PARN: variants seen among roughly 807,000 people sequenced by gnomAD.
PARN encodes the protein poly(A)-specific ribonuclease.
Under a neutral mutation model 102.8 loss-of-function variants are expected in PARN, and 71 were observed. That is an observed-to-expected ratio of 0.69 (90% CI 0.57 to 0.84). PARN has a LOEUF of 0.84. Among genes scored for constraint, PARN ranks in the 40% least tolerant of loss-of-function variants. PARN has a pLI of 0.00. For missense variants in PARN, 782 were observed against 760.9 expected (o/e 1.03, Z -0.33); for synonymous variants, 261 against 252.9 (o/e 1.03, Z -0.30).
chr16:14,608,424 A>C lies in PARN; in HGVS notation c.621-105T>G, dbSNP rs182131963. On this transcript the variant is annotated intron_variant, in intron 8 of 23. Transcript: ENST00000437198. ...TTTCGCTTTAAAAAGAGACTTCATT[A>C]GAACTGATAGGTAATTTGCAAACAA... The C allele has an allele frequency of 9.1e-4, 625 of 686,846 alleles. 2 individuals carry two copies. Among genetic ancestry groups the C allele is most frequent in the Non-Finnish European group, 1.3e-3 (547 of 405,644 alleles). 42.5% of individuals were successfully genotyped at this position (686,846 alleles called of 1,614,324 possible). A position where few individuals can be genotyped will look rare whatever the true frequency, so the allele number is the denominator to read the frequency against.
At chr16:14,510,323 C>T (rs917427961) in intron 21 of PARN, among the ~76,000 whole-genome samples, 10 of 152,112 alleles carry the variant, frequency 6.6e-5, no homozygotes, top group African/African-American at 2.4e-4. Flanking sequence ...CTGTAAACTG[C>T]CATCAAGGTG....
At chr16:14,455,753 G>A (rs565912503) in intron 22 of PARN, among the ~76,000 whole-genome samples, 1 of 152,220 alleles carries the variant, frequency 6.6e-6, no homozygotes, top group Non-Finnish European at 1.5e-5. Context: ...TATGGTGACA[G>A]TGACAAGCAA....
chr16:14,451,965 T>C (rs570461695), intron 22 of PARN, among the ~76,000 whole-genome samples: 13 of 148,146 alleles, frequency 8.8e-5, no homozygotes, highest in African/African-American at 2.7e-4. Context: ...GGTGGGAGGA[T>C]TGCTTGAGTC....
At chr16:14,610,835 A>G (rs750806960) in intron 6 of PARN, 26 bp from the exon 7 acceptor site, 8 of 1,517,908 alleles carry the variant, frequency 5.3e-6, no homozygotes, top group East Asian at 4.5e-5. Flanking sequence ...AAAAGAATGC[A>G]TTAGCAGAAG....
intron 9 of PARN, among the ~76,000 whole-genome samples, chr16:14,607,472 T>G (rs1971264252): frequency 6.6e-6 from 1 of 152,278 alleles, no homozygotes; most frequent in South Asian, 2.1e-4. Context: ...CCTCCCAAAG[T>G]ACCAGGATTA....
intron 17 of PARN, among the ~76,000 whole-genome samples, chr16:14,581,173 C>T (rs1969511579): frequency 6.6e-6 from 1 of 152,148 alleles, no homozygotes; most frequent in African/African-American, 2.4e-5. Context: ...CTGCCTCAGC[C>T]TCCCGAGGAC....
At chr16:14,532,704 G>C (rs1180988435) in intron 21 of PARN, among the ~76,000 whole-genome samples, 1 of 151,742 alleles carries the variant, frequency 6.6e-6, no homozygotes, top group Non-Finnish European at 1.5e-5. Context: ...ACGGGGGGGC[G>C]ACCGGGCAGA....
Position 14,626,462 on chromosome 16 carries a change from G to A in PARN, c.327+644C>T, listed in dbSNP as rs1477310693. On this transcript the variant is annotated intron_variant, in intron 5 of 23. Coordinates refer to ENST00000437198, the MANE Select transcript of PARN (RefSeq NM_002582.4). Reference sequence around the variant, plus strand: ...CCACATCCAGCCAAGAAGCCTGCAAGTCTTGATGTGTAGGTGGTTCAACTT... The same window carrying A: ...CCACATCCAGCCAAGAAGCCTGCAAATCTTGATGTGTAGGTGGTTCAACTT... 2.6e-5 allele frequency among the ~76,000 whole-genome samples: 4 copies of A among 152,266 alleles called. No homozygotes were observed. In the South Asian group the frequency reaches 8.3e-4, roughly 32 times the overall value.
At chr16:14,459,818 T>C (rs1291297143) in intron 22 of PARN, among the ~76,000 whole-genome samples, 1 of 152,264 alleles carries the variant, frequency 6.6e-6, no homozygotes, top group East Asian at 1.9e-4. Context: ...ATCAATGGAA[T>C]AGAATAGTGT....
In PARN at chr16:14,586,306, A is replaced by T; in HGVS notation, c.962+12T>A. The T allele has an allele frequency of 6.6e-7, 1 of 1,526,360 alleles. No individual in the cohort carries two copies. Among genetic ancestry groups the T allele is most frequent in the African/African-American group, 1.4e-5 (1 of 72,986 alleles). 94.6% of individuals were successfully genotyped at this position (1,526,360 alleles called of 1,614,324 possible). ...TTTTTAAAAGAAAGACAAATCCTCA[A>T]AGAAAGCTTACCTGGGGAAAACACA... On this transcript the variant is annotated intron_variant, in intron 14 of 23. Transcript: ENST00000437198.
intron 16 of PARN, among the ~76,000 whole-genome samples, chr16:14,583,621 AG>A: frequency 6.6e-6 from 1 of 152,356 alleles, no homozygotes. Flanking sequence ...TTACCCAGAA[AG>A]GGGCAAATAA....
intron 21 of PARN, among the ~76,000 whole-genome samples, chr16:14,527,686 A>T (rs1016361879): frequency 1.3e-5 from 2 of 152,182 alleles, no homozygotes; most frequent in African/African-American, 4.8e-5. Context: ...GAGCACTTTA[A>T]CTCATGTGTG....
intron 22 of PARN, among the ~76,000 whole-genome samples, chr16:14,458,725 C>T (rs941097149): frequency 6.6e-6 from 1 of 152,102 alleles, no homozygotes; most frequent in Non-Finnish European, 1.5e-5. Context: ...AGGACTGGAG[C>T]CATGTCAGGA....
At chr16:14,584,628 A>G in intron 15 of PARN, 121 bp downstream of exon 15, 1 of 798,658 alleles carries the variant, frequency 1.3e-6, no homozygotes, top group Non-Finnish European at 2.1e-6. Flanking sequence ...AACCAAATGA[A>G]TAAAGATCTT....
At chr16:14,606,407 A>G in intron 10 of PARN, 77 bp downstream of exon 10, 1 of 785,712 alleles carries the variant, frequency 1.3e-6, no homozygotes, top group Non-Finnish European at 2.0e-6. Context: ...GAAAAAAAAA[A>G]AGAAAAAAAA....
rs1333059875 is a variant in PARN at position 14,599,972 on chromosome 16, A to AAT, written c.784-14_784-13dup. 3 of 1,480,780 alleles carry AAT rather than the reference A, an allele frequency of 2.0e-6. No individual in the cohort carries two copies. Among genetic ancestry groups the AAT allele is most frequent in the African/African-American group, 2.8e-5 (2 of 71,946 alleles). 91.7% of individuals were successfully genotyped at this position (1,480,780 alleles called of 1,614,324 possible). On this transcript the variant is annotated splice_polypyrimidine_tract_variant and intron_variant, in intron 11 of 23. Coordinates refer to ENST00000437198, the MANE Select transcript of PARN (RefSeq NM_002582.4). ...TCATTCAGCTCCTCCTAATTAAAAA[A>AAT]ATATATACATATGTATTATTGATGT...
chr16:14,614,249 T>C (rs1971721091), intron 6 of PARN, among the ~76,000 whole-genome samples: 1 of 151,708 alleles, frequency 6.6e-6, no homozygotes, highest in South Asian at 2.1e-4. Flanking sequence ...AAGCAACATC[T>C]TGTCTCAAAA....
chr16:14,458,174 ATAC>A (rs751100024), intron 22 of PARN, among the ~76,000 whole-genome samples: 8 of 152,204 alleles, frequency 5.3e-5, no homozygotes, highest in South Asian at 2.1e-4. Context: ...AACATGAAAG[ATAC>A]TACATTAATA....
intron 19 of PARN, 102 bp downstream of exon 19, chr16:14,555,552 T>A: frequency 1.9e-6 from 1 of 534,340 alleles, no homozygotes; most frequent in South Asian, 3.5e-5. Flanking sequence ...CAGCCCAATT[T>A]TGAGTGAAAA....
Sources: allele counts gnomAD v4.1 joint callset (sites outside exome capture counted in the v4.1 genomes callset), GRCh38; gene constraint gnomAD v4.1.1; transcripts MANE v1.5; gene names NCBI Gene and HGNC (gene_info 2026-07-23, HGNC 2026-07-21).